The following SP6 variants were observed in gnomAD, a reference collection of about 807,000 sequenced individuals.
SP6 encodes transcription factor Sp6.
In SP6, 10 loss-of-function variants were observed where a neutral mutation model predicts 23.4. That is an observed-to-expected ratio of 0.43 (90% CI 0.26 to 0.72). The LOEUF (loss-of-function observed/expected upper bound fraction) is 0.72. Ranked by LOEUF, SP6 falls within the 30% of genes least tolerant of loss-of-function variation. The probability of loss-of-function intolerance (pLI) is 0.23; values close to 1 mark genes in which losing one functional copy is unlikely to be tolerated. For missense variants in SP6, 482 were observed against 523.8 expected (o/e 0.92, Z 0.78); for synonymous variants, 238 against 238.7 (o/e 1.00, Z 0.03).
the SP6 span, among the ~76,000 whole-genome samples, chr17:47,875,245 G>A: frequency 5.9e-5 from 9 of 152,236 alleles, no homozygotes; most frequent in African/African-American, 1.9e-4. Flanking sequence ...TGCTTCCCCG[G>A]GGGGGCCTGA....
the SP6 span, among the ~76,000 whole-genome samples, chr17:47,868,207 C>T: frequency 6.6e-6 from 1 of 152,208 alleles, no homozygotes; most frequent in African/African-American, 2.4e-5. Context: ...CCCGGGATCC[C>T]CTTCACCCAA....
the SP6 span, among the ~76,000 whole-genome samples, chr17:47,868,457 A>C: frequency 2.0e-5 from 3 of 152,190 alleles, no homozygotes; most frequent in Non-Finnish European, 4.4e-5. Flanking sequence ...TTGCCTACAC[A>C]GCCAGTGGGG....
the SP6 span, among the ~76,000 whole-genome samples, chr17:47,867,221 T>C: frequency 6.6e-6 from 1 of 152,092 alleles, no homozygotes; most frequent in Non-Finnish European, 1.5e-5. Context: ...ATGCCAGAAG[T>C]ACCTGCTGTC....
At chr17:47,865,442 G>A in the SP6 span, among the ~76,000 whole-genome samples, 3 of 152,052 alleles carry the variant, frequency 2.0e-5, no homozygotes, top group East Asian at 1.9e-4. Context: ...CACCAGGACC[G>A]AAAGAGCCTC....
At chr17:47,863,738 A>ATTT in the SP6 span, among the ~76,000 whole-genome samples, 127 of 98,760 alleles carry the variant, frequency 1.3e-3, 8 homozygotes, top group African/African-American at 4.6e-3. Context: ...CTAATTTTGT[A>ATTT]TTTTTTTTTT....
At chr17:47,857,684 ATG>A (rs2034007624), upstream of SP6, among the ~76,000 whole-genome samples, 1 of 152,124 alleles carries the variant, frequency 6.6e-6, no homozygotes, top group African/African-American at 2.4e-5. Context: ...CCTCCAGACA[ATG>A]TGTTTTCCTA....
chr17:47,856,285 A>T (rs1318743183), upstream of SP6, among the ~76,000 whole-genome samples: 9 of 152,096 alleles, frequency 5.9e-5, no homozygotes, highest in Non-Finnish European at 4.4e-5. Context: ...CCCCAAGAGG[A>T]CCCAGTGTAA....
chr17:47,846,835 A>T lies in SP6; in HGVS notation c.*464T>A. On this transcript the variant is annotated 3_prime_UTR_variant, in exon 2 of 2. Coordinates refer to ENST00000536300, the MANE Select transcript of SP6 (RefSeq NM_001258248.2). ...GGGCAGAAGCACTTTAAGTGGGATG[A>T]AAGGGACCCCGCCGCAGGGCGGCTC... 1 of 157,006 alleles carries T rather than the reference A, an allele frequency of 6.4e-6. No homozygotes were observed. Among genetic ancestry groups the T allele is most frequent in the Non-Finnish European group, 1.4e-5 (1 of 71,524 alleles). The allele number at this position is 157,006 out of a possible 1,614,324, so 9.7% of individuals were successfully genotyped here.
upstream of SP6, among the ~76,000 whole-genome samples, chr17:47,857,993 C>T (rs377418994): frequency 6.6e-5 from 10 of 152,078 alleles, no homozygotes; most frequent in South Asian, 8.3e-4. Flanking sequence ...TTGATGTTGC[C>T]GCTGCCTGCA....
At chr17:47,849,775 G>C (rs527250563) in intron 1 of SP6, among the ~76,000 whole-genome samples, 1 of 152,348 alleles carries the variant, frequency 6.6e-6, no homozygotes, top group African/African-American at 2.4e-5. Flanking sequence ...ACATATCTGT[G>C]GCTTGAAGTT....
chr17:47,847,557 G>T lies in SP6; in HGVS notation c.873C>A (p.Cys291Ter), dbSNP rs773217383. The change falls in exon 2 of 2, where the codon TGC becomes TGA. Residue 291 changes from cysteine (C) to a stop codon, truncating the protein, a stop_gained. Transcript: ENST00000536300. LOFTEE classifies it high-confidence loss of function. ...DRPFVCNWLF[C>*]GKRFTRSDEL... Reference sequence around the variant, plus strand: ...CGTCCGAGCGCGTGAAGCGCTTGCCGCAGAAGAGCCAGTTGCACACGAAGG... The same window carrying T: ...CGTCCGAGCGCGTGAAGCGCTTGCCTCAGAAGAGCCAGTTGCACACGAAGG... 2 of 1,613,726 alleles carry T rather than the reference G, an allele frequency of 1.2e-6. No homozygotes were observed. The highest frequency in any genetic ancestry group is 1.3e-5 in the African/African-American group (1 of 75,078).
the SP6 span, among the ~76,000 whole-genome samples, chr17:47,868,853 C>T: frequency 6.6e-6 from 1 of 152,182 alleles, no homozygotes; most frequent in South Asian, 2.1e-4. Flanking sequence ...CTCCAGTGCC[C>T]TCTTCTCCGC....
Position 47,848,189 on chromosome 17 carries a change from G to T in SP6, c.241C>A (p.Leu81Met). 6.2e-7 allele frequency: 1 copy of T among 1,613,118 alleles called. No individual in the cohort carries two copies. Residue 81 changes from leucine to methionine, a missense_variant, in exon 2 of 2, where the codon CTG becomes ATG. Physicochemically the swap from Leu to Met is conservative, Grantham distance 15. This residue lies in a region of SP6 where 330 missense variants were observed against 332.3 expected (regional missense o/e 0.99). Transcript: ENST00000536300. The surrounding 1 kb of genome is among the most constrained non-coding windows in gnomAD (Gnocchi z 5.3). Reference protein sequence around the residue: ...GASSRVTCEDLESDSPLAPGP... With the variant: ...GASSRVTCEDMESDSPLAPGP... ...GGGGCCAAGGGACTGTCGCTTTCCA[G>T]GTCCTCGCAGGTTACCCGCGAGGAG...
chr17:47,863,832 G>A, the SP6 span, among the ~76,000 whole-genome samples: 1 of 148,990 alleles, frequency 6.7e-6, no homozygotes, highest in East Asian at 2.0e-4. Flanking sequence ...TCCGCCTCCT[G>A]GGTTCACGCC....
chr17:47,853,948 C>T (rs1441878075), upstream of SP6, among the ~76,000 whole-genome samples: 10 of 152,068 alleles, frequency 6.6e-5, no homozygotes, highest in Admixed American at 2.6e-4. Flanking sequence ...GTTTTCCCAC[C>T]GAATGACGGC....
At chr17:47,863,077 T>C in the SP6 span, among the ~76,000 whole-genome samples, 2 of 152,272 alleles carry the variant, frequency 1.3e-5, no homozygotes, top group African/African-American at 4.8e-5. Flanking sequence ...GGTGTCTGCC[T>C]GCTCTCTGCA....
chr17:47,871,966 C>T, the SP6 span, among the ~76,000 whole-genome samples: 2 of 152,274 alleles, frequency 1.3e-5, no homozygotes, highest in Admixed American at 1.3e-4. Context: ...CTTGGGATCC[C>T]CTCTCTAGGT....
At position 47,845,030 on chromosome 17, in the gene SP6, G is replaced by A. The variant is rs1373522128; in HGVS notation, c.*2269C>T. ...AAATTCCTACATTTTTCCTCTAGGG[G>A]GACTGCCTAGAAAGACAGGCAGCCA... On this transcript the variant is annotated 3_prime_UTR_variant, in exon 2 of 2. Transcript: ENST00000536300. 2 of 152,396 alleles carry A rather than the reference G, an allele frequency of 1.3e-5. No individual in the cohort carries two copies. The highest frequency in any genetic ancestry group is 2.9e-5 in the Non-Finnish European group (2 of 68,030). 9.4% of individuals were successfully genotyped at this position (152,396 alleles called of 1,614,324 possible). A position where few individuals can be genotyped will look rare whatever the true frequency, so the allele number is the denominator to read the frequency against.
the SP6 span, among the ~76,000 whole-genome samples, chr17:47,873,664 G>T: frequency 0.031 from 4,782 of 152,266 alleles, 246 homozygotes; most frequent in African/African-American, 0.11. Context: ...CTGCGTCAGG[G>T]CCATCCCGCA....
Sources: allele counts gnomAD v4.1 joint callset (sites outside exome capture counted in the v4.1 genomes callset), GRCh38; gene constraint gnomAD v4.1.1; regional missense constraint gnomAD v4.1.1; non-coding constraint Gnocchi (gnomAD v3.1); transcripts MANE v1.5; gene names NCBI Gene and HGNC (gene_info 2026-07-23, HGNC 2026-07-21).